The following GRIN2A variants were observed in gnomAD, a reference collection of about 807,000 sequenced individuals.
The protein encoded by GRIN2A is glutamate ionotropic receptor NMDA type subunit 2A, also known as glutamate receptor ionotropic, NMDA 2A.
Under a neutral mutation model 113.4 loss-of-function variants are expected in GRIN2A, and 22 were observed. The ratio of observed to expected loss-of-function variants is 0.19; its 90% CI spans 0.14 to 0.28. The LOEUF is 0.28. GRIN2A is among the 10% of genes least tolerant of loss of function. The pLI is 1.00. For synonymous variants in GRIN2A, 827 were observed against 738.4 expected (o/e 1.12, Z -1.94); for missense variants, 1,502 against 1,887.0 (o/e 0.80, Z 3.78).
At chr16:10,118,127 G>A (rs1268177585) in intron 2 of GRIN2A, among the ~76,000 whole-genome samples, 1 of 152,186 alleles carries the variant, frequency 6.6e-6, no homozygotes, top group Non-Finnish European at 1.5e-5. Flanking sequence ...CATCACTTAA[G>A]GAGAATCTGC....
chr16:10,066,945 C>A lies in GRIN2A; in HGVS notation c.414+113053G>T, dbSNP rs538799937. Among the ~76,000 whole-genome samples, 4 of 152,088 alleles carry A rather than the reference C, an allele frequency of 2.6e-5. No homozygotes were observed. In the East Asian group the frequency reaches 7.7e-4, roughly 29 times the overall value. ...ATACATACAATTAAATATTAGCCAG[C>A]GTTCAAAAACAAAGGACATTCGGAT... On this transcript the variant is annotated intron_variant, in intron 2 of 12. Transcript: ENST00000330684.
At chr16:10,139,381 G>C (rs1426387177) in intron 2 of GRIN2A, among the ~76,000 whole-genome samples, 2 of 152,120 alleles carry the variant, frequency 1.3e-5, no homozygotes, top group Non-Finnish European at 2.9e-5. Context: ...GGGCAAGAGG[G>C]GCAGCTGAAA....
intron 2 of GRIN2A, among the ~76,000 whole-genome samples, chr16:10,019,087 G>C (rs9889020): frequency 0.026 from 3,860 of 147,388 alleles, 186 homozygotes; most frequent in African/African-American, 0.092. Flanking sequence ...GAATCCCAAC[G>C]TAAGTTTGTG....
At chr16:9,984,837 G>C (rs879520305) in intron 2 of GRIN2A, among the ~76,000 whole-genome samples, 5 of 152,028 alleles carry the variant, frequency 3.3e-5, no homozygotes, top group Non-Finnish European at 7.4e-5. Context: ...ATTAGTTTTT[G>C]GTTTTTTATT....
At chr16:9,835,126 G>T (rs2042564258) in intron 7 of GRIN2A, among the ~76,000 whole-genome samples, 1 of 152,170 alleles carries the variant, frequency 6.6e-6, no homozygotes, top group Non-Finnish European at 1.5e-5. Flanking sequence ...TTCACCTTTT[G>T]CCTCAGATAG....
rs745951746 is a variant in GRIN2A at position 9,840,813 on chromosome 16, C to CAAA, written c.1498-16_1498-14dup. The stretch of plus-strand genomic sequence containing the variant: ...GTTGATAGACCACCTGGATGCAAGG[C>CAAA]AAAAAAAAAAAAAAAAAAAAGAGAG... On this transcript the variant is annotated splice_polypyrimidine_tract_variant and intron_variant, in intron 6 of 12. Coordinates refer to ENST00000330684, the MANE Select transcript of GRIN2A (RefSeq NM_001134407.3). The CAAA allele has an allele frequency of 1.4e-3, 1,513 of 1,084,190 alleles. 2 individuals carry two copies. The highest frequency in any genetic ancestry group is 6.6e-3 in the Admixed American group (209 of 31,688). The allele number at this position is 1,084,190 out of a possible 1,614,324, so 67.2% of individuals were successfully genotyped here.
At chr16:9,852,531 A>G (rs1409059849) in intron 4 of GRIN2A, among the ~76,000 whole-genome samples, 1 of 152,176 alleles carries the variant, frequency 6.6e-6, no homozygotes, top group Non-Finnish European at 1.5e-5. Context: ...ATCTTCTCCA[A>G]GTTCTACTCC....
At chr16:9,990,662 T>C (rs1284620922) in intron 2 of GRIN2A, among the ~76,000 whole-genome samples, 2 of 140,540 alleles carry the variant, frequency 1.4e-5, no homozygotes, top group East Asian at 2.2e-4. Flanking sequence ...TGTTCTTACA[T>C]TGGCATTTTT....
At chr16:9,970,404 A>T (rs1002142950) in intron 2 of GRIN2A, among the ~76,000 whole-genome samples, 1 of 152,226 alleles carries the variant, frequency 6.6e-6, no homozygotes, top group Non-Finnish European at 1.5e-5. Context: ...AGACCAATGC[A>T]GGAAAATCCT....
intron 2 of GRIN2A, among the ~76,000 whole-genome samples, chr16:9,996,937 G>C (rs189546330): frequency 5.2e-4 from 79 of 152,204 alleles, no homozygotes; most frequent in Admixed American, 1.3e-3. Flanking sequence ...CACATATTAA[G>C]TAGCTAATTG....
intron 2 of GRIN2A, among the ~76,000 whole-genome samples, chr16:10,154,618 G>C (rs941539768): frequency 4.6e-5 from 7 of 152,110 alleles, no homozygotes; most frequent in Admixed American, 1.3e-4. Context: ...ATAAGACACT[G>C]TTCCTGTCCT....
rs185140340 is a variant in GRIN2A at position 10,027,164 on chromosome 16, T to C, written c.415-88613A>G. 1.2e-3 allele frequency among the ~76,000 whole-genome samples: 190 copies of C among 152,320 alleles called. 2 individuals are homozygous for C. The highest frequency in any genetic ancestry group is 4.4e-3 in the African/African-American group (184 of 41,554). Reference sequence around the variant, plus strand: ...GCCCATTGAAGGCTCAAGTAGCATTTGTTACATGAGAAAATAAGTTGTTTA... The same window carrying C: ...GCCCATTGAAGGCTCAAGTAGCATTCGTTACATGAGAAAATAAGTTGTTTA... On this transcript the variant is annotated intron_variant, in intron 2 of 12. Coordinates refer to ENST00000330684, the MANE Select transcript of GRIN2A (RefSeq NM_001134407.3).
chr16:9,857,353 G>C (rs1395480919), intron 4 of GRIN2A, among the ~76,000 whole-genome samples: 2 of 152,190 alleles, frequency 1.3e-5, no homozygotes, highest in African/African-American at 4.8e-5. Flanking sequence ...ACTAATGTCA[G>C]GTGTTAATAA....
chr16:9,976,964 C>T (rs2045786077), intron 2 of GRIN2A, among the ~76,000 whole-genome samples: 1 of 152,190 alleles, frequency 6.6e-6, no homozygotes, highest in Non-Finnish European at 1.5e-5. Flanking sequence ...ATAAGATTCA[C>T]TGGAGACCTG....
At chr16:10,094,847 G>A (rs1035121471) in intron 2 of GRIN2A, among the ~76,000 whole-genome samples, 1 of 131,678 alleles carries the variant, frequency 7.6e-6, no homozygotes, top group African/African-American at 2.9e-5. Context: ...TGAACCAAGA[G>A]CATCTTATTG....
At chr16:10,075,129 T>A (rs9933945) in intron 2 of GRIN2A, among the ~76,000 whole-genome samples, 21,218 of 152,050 alleles carry the variant, frequency 0.14, 1,996 homozygotes, top group African/African-American at 0.27. Flanking sequence ...ATGGGTCCTC[T>A]CCTATGCAGT....
chr16:10,039,272 G>T (rs559962196), intron 2 of GRIN2A, among the ~76,000 whole-genome samples: 4 of 152,276 alleles, frequency 2.6e-5, no homozygotes, highest in African/African-American at 4.8e-5. Flanking sequence ...TGTTTTCTCA[G>T]ATGCTCTCTT....
chr16:10,009,954 G>C (rs900351078), intron 2 of GRIN2A, among the ~76,000 whole-genome samples: 1 of 152,194 alleles, frequency 6.6e-6, no homozygotes, highest in Non-Finnish European at 1.5e-5. Context: ...TGGAACTGAG[G>C]TTCCTAAAGA....
chr16:9,769,848 TTC>T, intron 11 of GRIN2A, among the ~76,000 whole-genome samples: 1 of 152,296 alleles, frequency 6.6e-6, no homozygotes, highest in Admixed American at 6.5e-5. Flanking sequence ...GTGTTTCTTT[TTC>T]TCTCTCTCTT....
Sources: allele counts gnomAD v4.1 joint callset (sites outside exome capture counted in the v4.1 genomes callset), GRCh38; gene constraint gnomAD v4.1.1; transcripts MANE v1.5; gene names NCBI Gene and HGNC (gene_info 2026-07-23, HGNC 2026-07-21).